The following RALGPS2 variants were observed in gnomAD, a reference collection of about 807,000 sequenced individuals.
RALGPS2 encodes ras-specific guanine nucleotide-releasing factor RalGPS2.
Under a neutral mutation model 86.8 loss-of-function variants are expected in RALGPS2, and 43 were observed. That is an observed-to-expected ratio of 0.50 (90% CI 0.39 to 0.64). The LOEUF (loss-of-function observed/expected upper bound fraction) is 0.64, where lower values mean the gene tolerates loss of function less well. Among genes scored for constraint, RALGPS2 ranks in the 30% least tolerant of loss-of-function variants. The pLI, the probability that RALGPS2 is intolerant of heterozygous loss-of-function variation, is 0.00. For missense variants in RALGPS2, 536 were observed against 694.6 expected (o/e 0.77, Z 2.57); for synonymous variants, 243 against 231.3 (o/e 1.05, Z -0.46).
chr1:178,821,803 T>C, intron 7 of RALGPS2, 99 bp downstream of exon 7: 5 of 960,298 alleles, frequency 5.2e-6, no homozygotes, highest in Non-Finnish European at 7.8e-6. Flanking sequence ...AATATAATGA[T>C]AATCAATAAG....
At chr1:178,812,874 C>CA (rs1287558228) in intron 6 of RALGPS2, among the ~76,000 whole-genome samples, 11 of 149,712 alleles carry the variant, frequency 7.3e-5, no homozygotes, top group African/African-American at 2.7e-4. Context: ...TGATATTTTG[C>CA]AAAAGTGTCA....
At chr1:178,767,424 A>G (rs1176905950) in intron 1 of RALGPS2, among the ~76,000 whole-genome samples, 3 of 122,326 alleles carry the variant, frequency 2.5e-5, no homozygotes, top group Admixed American at 2.2e-4. Flanking sequence ...TGATTATGGT[A>G]TAAGGTGGGT....
intron 1 of RALGPS2, among the ~76,000 whole-genome samples, chr1:178,775,995 A>C (rs1429286061): frequency 6.6e-6 from 1 of 151,706 alleles, no homozygotes; most frequent in Non-Finnish European, 1.5e-5. Context: ...TTCCCTAAAA[A>C]ATACAATATA....
intron 8 of RALGPS2, among the ~76,000 whole-genome samples, chr1:178,849,198 C>T (rs1224086775): frequency 6.6e-6 from 1 of 152,142 alleles, no homozygotes; most frequent in Non-Finnish European, 1.5e-5. Flanking sequence ...GGTAACACAG[C>T]TAGCAAGTGG....
intron 1 of RALGPS2, among the ~76,000 whole-genome samples, chr1:178,748,755 A>G (rs184710578): frequency 1.3e-5 from 2 of 151,296 alleles, no homozygotes. Context: ...CAGGAGGCTG[A>G]GGCAGCAGAA....
rs1660485403 is a variant in RALGPS2, at chr1:178,908,632, A to G, written c.1722+1765A>G. On this transcript the variant is annotated intron_variant, in intron 19 of 19. Transcript: ENST00000367635. The stretch of plus-strand genomic sequence containing the variant: ...TCTGACTGGTGTGAGATGGTATCTC[A>G]TTGCAATTTTGATTTGCATTTCTCT... Among the ~76,000 whole-genome samples, 3 of 152,170 alleles carry G rather than the reference A, an allele frequency of 2.0e-5. No homozygotes were observed. The South Asian group carries it at 6.2e-4, about 32-fold the overall frequency.
At chr1:178,916,199 C>T (rs966591074) in intron 19 of RALGPS2, 131 bp from the exon 20 acceptor site, 11 of 679,844 alleles carry the variant, frequency 1.6e-5, no homozygotes, top group Middle Eastern at 4.0e-4. Context: ...TATTGAAGCT[C>T]CTTATATCAA....
chr1:178,870,348 A>C (rs1301542650), intron 8 of RALGPS2, among the ~76,000 whole-genome samples: 1 of 152,174 alleles, frequency 6.6e-6, no homozygotes, highest in South Asian at 2.1e-4. Flanking sequence ...CAGGAAGAGA[A>C]ACTAATTGTG....
intron 8 of RALGPS2, chr1:178,865,860 G>A (rs943630010): frequency 1.7e-5 from 17 of 1,030,242 alleles, no homozygotes; most frequent in Middle Eastern, 2.1e-4. Flanking sequence ...ATTAATCTAT[G>A]TTAAAGTCAG....
chr1:178,866,200 T>A (rs1459107160), intron 8 of RALGPS2, among the ~76,000 whole-genome samples: 7 of 152,166 alleles, frequency 4.6e-5, no homozygotes, highest in Non-Finnish European at 8.8e-5. Context: ...GTACACAGTG[T>A]TTGTAAGGCA....
At chr1:178,846,412 T>C (rs1433324944) in intron 8 of RALGPS2, among the ~76,000 whole-genome samples, 1 of 152,194 alleles carries the variant, frequency 6.6e-6, no homozygotes, top group Non-Finnish European at 1.5e-5. Flanking sequence ...GCATCTTCAC[T>C]GATTTTCTTT....
chr1:178,794,080 A>G (rs1038592331), intron 4 of RALGPS2, among the ~76,000 whole-genome samples: 2 of 152,152 alleles, frequency 1.3e-5, no homozygotes, highest in East Asian at 3.9e-4. Context: ...TCTTTTGATC[A>G]TGAAGGTTTG....
intron 8 of RALGPS2, among the ~76,000 whole-genome samples, chr1:178,841,194 CAAAA>C (rs1344007735): frequency 6.6e-6 from 1 of 151,514 alleles, no homozygotes; most frequent in African/African-American, 2.4e-5. Context: ...AGAGACACAA[CAAAA>C]AAAGAGAATT....
intron 1 of RALGPS2, among the ~76,000 whole-genome samples, chr1:178,769,079 C>T (rs576908192): frequency 8.5e-4 from 128 of 150,978 alleles, no homozygotes; most frequent in Non-Finnish European, 1.3e-3. Context: ...GATCTCTGCA[C>T]AGGAAAGGTG....
At chr1:178,732,524 C>A (rs962879264) in intron 1 of RALGPS2, among the ~76,000 whole-genome samples, 7 of 152,094 alleles carry the variant, frequency 4.6e-5, no homozygotes, top group Non-Finnish European at 1.0e-4. Context: ...GGTCTCAGAT[C>A]TCCTGACCTC....
At chr1:178,808,572 T>C (rs920226876) in intron 5 of RALGPS2, among the ~76,000 whole-genome samples, 1 of 152,162 alleles carries the variant, frequency 6.6e-6, no homozygotes, top group African/African-American at 2.4e-5. Flanking sequence ...TTTCTGCTCA[T>C]TCTTAAAGTG....
At chr1:178,743,344 T>G (rs899069547) in intron 1 of RALGPS2, among the ~76,000 whole-genome samples, 2 of 152,164 alleles carry the variant, frequency 1.3e-5, no homozygotes, top group East Asian at 3.9e-4. Context: ...CCTTCAGGCA[T>G]TAGAGGAAGA....
At chr1:178,851,784 T>C (rs1206907433) in intron 8 of RALGPS2, among the ~76,000 whole-genome samples, 1 of 152,156 alleles carries the variant, frequency 6.6e-6, no homozygotes, top group Non-Finnish European at 1.5e-5. Flanking sequence ...TCTTTTCTCG[T>C]TTACCAGTGT....
At position 178,776,656 on chromosome 1, in the gene RALGPS2, TGCTTAAC is replaced by T; in HGVS notation, c.-83-25_-83-19del. On this transcript the variant is annotated intron_variant, in intron 1 of 19. Transcript: ENST00000367635. ...TTTCTTGAACTTCGAGGAAGACATT[TGCTTAAC>T]TTTTTTTTTTTTTTACAGGAATAAT... is the stretch of plus-strand genomic sequence containing the variant. The T allele has an allele frequency of 1.3e-6, 1 of 766,386 alleles. No individual in the cohort carries two copies. 47.5% of individuals were successfully genotyped at this position (766,386 alleles called of 1,614,324 possible). A position where few individuals can be genotyped will look rare whatever the true frequency, so the allele number is the denominator to read the frequency against.
Sources: allele counts gnomAD v4.1 joint callset (sites outside exome capture counted in the v4.1 genomes callset), GRCh38; gene constraint gnomAD v4.1.1; transcripts MANE v1.5; gene names NCBI Gene and HGNC (gene_info 2026-07-23, HGNC 2026-07-21).